CDH2: variants seen among roughly 807,000 people sequenced by gnomAD.
CDH2 encodes the protein cadherin 2, also known as cadherin-2.
A neutral mutation model predicts 92.0 loss-of-function variants in CDH2; 17 were observed. The observed-to-expected ratio is 0.18, with a 90% confidence interval of 0.13 to 0.28. CDH2 has a LOEUF of 0.28. Among genes scored for constraint, CDH2 ranks in the 10% least tolerant of loss-of-function variants. The pLI is 1.00. For missense variants in CDH2, 862 were observed against 1,133.1 expected, an observed-to-expected ratio of 0.76 and a Z score of 3.44; for synonymous variants, 419 against 415.9, an observed-to-expected ratio of 1.01 and a Z score of -0.09.
In CDH2 at chr18:27,982,708, G is replaced by T. The variant is rs141585193; in HGVS notation, c.2349+236C>A. On this transcript the variant is annotated intron_variant, in intron 14 of 15. Transcript: ENST00000269141. ...CATTACACAGATATAACTAGAATTG[G>T]GTTTAAAGCCTTTGAAACAAGGTGT... Among the ~76,000 whole-genome samples the T allele has an allele frequency of 2.1e-4, 32 of 151,080 alleles. No individual in the cohort carries two copies. In the East Asian group the frequency reaches 6.2e-3, roughly 29 times the overall value.
intron 7 of CDH2, among the ~76,000 whole-genome samples, chr18:28,000,763 A>C (rs1037416325): frequency 1.3e-5 from 2 of 152,198 alleles, no homozygotes; most frequent in Non-Finnish European, 2.9e-5. Context: ...CTGAAGATTA[A>C]ACAAAAATAA....
intron 15 of CDH2, among the ~76,000 whole-genome samples, chr18:27,962,482 T>G (rs568267220): frequency 6.6e-6 from 1 of 152,232 alleles, no homozygotes; most frequent in Admixed American, 6.5e-5. Context: ...GATACAAGAG[T>G]CTTATCAGCC....
chr18:28,116,200 T>C (rs2144263042), intron 2 of CDH2, among the ~76,000 whole-genome samples: 1 of 152,268 alleles, frequency 6.6e-6, no homozygotes, highest in Middle Eastern at 3.4e-3. Flanking sequence ...CCTGGCTTAA[T>C]GTCTTCGGTA....
intron 14 of CDH2, among the ~76,000 whole-genome samples, chr18:27,981,823 C>T (rs1470172003): frequency 6.6e-6 from 1 of 152,118 alleles, no homozygotes; most frequent in African/African-American, 2.4e-5. Flanking sequence ...GATACTGATG[C>T]AAAACCAAAG....
chr18:28,114,778 T>C (rs529775450), intron 2 of CDH2, among the ~76,000 whole-genome samples: 1 of 152,166 alleles, frequency 6.6e-6, no homozygotes, highest in East Asian at 1.9e-4. Context: ...GAATCTGTTA[T>C]TAATATGCCA....
Position 28,177,042 on chromosome 18 carries a change from G to T in CDH2, c.-20C>A. On this transcript the variant is annotated 5_prime_UTR_variant, in exon 1 of 16. Transcript: ENST00000269141. Reference sequence around the variant, plus strand: ...GCACATGGAGGCGGAGAGGGGCCGAGCGAAGAGCCGGAGGAGGCGGCGGCG... The same window carrying T: ...GCACATGGAGGCGGAGAGGGGCCGATCGAAGAGCCGGAGGAGGCGGCGGCG... 2 of 1,478,090 alleles carry T rather than the reference G, an allele frequency of 1.4e-6. No individual in the cohort carries two copies. Among genetic ancestry groups the T allele is most frequent in the African/African-American group, 1.5e-5 (1 of 68,860 alleles). The allele number at this position is 1,478,090 out of a possible 1,614,324, so 91.6% of individuals were successfully genotyped here. A position where few individuals can be genotyped will look rare whatever the true frequency, so the allele number is the denominator to read the frequency against.
rs1255502057 is a variant in CDH2, at chr18:27,951,334, C to G, written c.*819G>C. 1 of 152,256 alleles carries G rather than the reference C, an allele frequency of 6.6e-6. No individual in the cohort carries two copies. The highest frequency in any genetic ancestry group is 2.4e-5 in the African/African-American group (1 of 41,366). 9.4% of individuals were successfully genotyped at this position (152,256 alleles called of 1,614,324 possible). A position where few individuals can be genotyped will look rare whatever the true frequency, so the allele number is the denominator to read the frequency against. On this transcript the variant is annotated 3_prime_UTR_variant, in exon 16 of 16. Transcript: ENST00000269141. ...GTCACTGTTTTGTAAATACTTTATC[C>G]ATAACGAAAGATATAAACATGCAAA... is the stretch of plus-strand genomic sequence containing the variant.
intron 6 of CDH2, among the ~76,000 whole-genome samples, chr18:27,935,653 A>G (rs1270631659): frequency 1.3e-5 from 2 of 151,276 alleles, no homozygotes; most frequent in Non-Finnish European, 3.0e-5. Context: ...GTCTGGCCAC[A>G]TGACTTATCT....
chr18:28,058,285 A>G (rs974537317), intron 2 of CDH2, among the ~76,000 whole-genome samples: 5 of 152,194 alleles, frequency 3.3e-5, no homozygotes, highest in African/African-American at 1.2e-4. Context: ...ACCTTTGGTG[A>G]TCTGGAACCC....
At chr18:28,068,260 G>C (rs1234318402) in intron 2 of CDH2, among the ~76,000 whole-genome samples, 1 of 152,186 alleles carries the variant, frequency 6.6e-6, no homozygotes, top group African/African-American at 2.4e-5. Flanking sequence ...CTTGGAAAGT[G>C]AACAGTAAAA....
chr18:28,168,139 T>C (rs1253769658), intron 1 of CDH2, among the ~76,000 whole-genome samples: 4 of 152,128 alleles, frequency 2.6e-5, no homozygotes, highest in Non-Finnish European at 5.9e-5. Flanking sequence ...TTCCACTTAA[T>C]AGTTTCCCAA....
At chr18:28,051,034 C>A (rs1314368916) in intron 2 of CDH2, among the ~76,000 whole-genome samples, 2 of 152,094 alleles carry the variant, frequency 1.3e-5, no homozygotes, top group Non-Finnish European at 2.9e-5. Flanking sequence ...ATATTTAATT[C>A]TCTCAAACAA....
intron 6 of CDH2, among the ~76,000 whole-genome samples, chr18:27,941,128 C>T (rs900771097): frequency 7.3e-5 from 11 of 151,286 alleles, no homozygotes; most frequent in East Asian, 3.9e-4. Flanking sequence ...CTCTGCCTCC[C>T]GGGTTCACGC....
chr18:28,122,927 A>C (rs927235630), intron 2 of CDH2, among the ~76,000 whole-genome samples: 1 of 152,160 alleles, frequency 6.6e-6, no homozygotes, highest in African/African-American at 2.4e-5. Context: ...AACCTTTATC[A>C]AGATAGATGT....
At chr18:28,160,461 G>C (rs1367986818) in intron 1 of CDH2, among the ~76,000 whole-genome samples, 1 of 152,168 alleles carries the variant, frequency 6.6e-6, no homozygotes, top group African/African-American at 2.4e-5. Flanking sequence ...ATAACACTGA[G>C]TTCAAGAACA....
At chr18:28,046,522 C>A (rs1019689592) in intron 2 of CDH2, among the ~76,000 whole-genome samples, 1 of 152,036 alleles carries the variant, frequency 6.6e-6, no homozygotes, top group Non-Finnish European at 1.5e-5. Context: ...AAACAAAAGT[C>A]ATAATTTAGA....
At chr18:28,133,667 C>A (rs2015812753) in intron 2 of CDH2, among the ~76,000 whole-genome samples, 1 of 148,532 alleles carries the variant, frequency 6.7e-6, no homozygotes, top group South Asian at 2.2e-4. Flanking sequence ...GCCATGAATT[C>A]TCTTGTTTGC....
rs57324446 is a variant in CDH2, at chr18:28,118,590, A to AGTGT, written c.172+29079_172+29082dup. ...ATTAGTCTGTTTTTAAATTTAGTTC[A>AGTGT]GTGTGTGTGTGTGTGTGTGTGTGCG... is the stretch of plus-strand genomic sequence containing the variant. On this transcript the variant is annotated intron_variant, in intron 2 of 15. Transcript: ENST00000269141. Among the ~76,000 whole-genome samples the AGTGT allele has an allele frequency of 4.7e-3, 693 of 148,450 alleles. 5 individuals carry two copies. The highest frequency in any genetic ancestry group is 0.016 in the African/African-American group (642 of 40,662).
intron 2 of CDH2, among the ~76,000 whole-genome samples, chr18:28,050,809 G>A (rs2014176508): frequency 6.6e-6 from 1 of 152,122 alleles, no homozygotes; most frequent in Non-Finnish European, 1.5e-5. Context: ...TCTTGCACAG[G>A]AGAAGTACAG....
Sources: gnomAD v4.1 joint callset for allele counts (sites outside exome capture counted in the v4.1 genomes callset) on GRCh38, gnomAD v4.1.1 for gene constraint, MANE v1.5 for transcripts, NCBI Gene and HGNC (gene_info 2026-07-23, HGNC 2026-07-21) for gene names.